The following RNF144B variants were observed in gnomAD, a reference collection of about 807,000 sequenced individuals.
RNF144B encodes ring finger protein 144B.
In RNF144B, 25 loss-of-function variants were observed where a neutral mutation model predicts 40.2. The ratio of observed to expected loss-of-function variants is 0.62; its 90% CI spans 0.45 to 0.87. RNF144B has a LOEUF of 0.87. Ranked by LOEUF, RNF144B falls within the 40% of genes least tolerant of loss-of-function variation. The pLI, the probability that RNF144B is intolerant of heterozygous loss-of-function variation, is 0.00. For synonymous variants in RNF144B, 145 were observed against 136.3 expected, an observed-to-expected ratio of 1.06 and a Z score of -0.44; for missense variants, 365 against 373.7, an observed-to-expected ratio of 0.98 and a Z score of 0.19.
chr6:18,451,345 T>C (rs1410828934), intron 4 of RNF144B, among the ~76,000 whole-genome samples: 1 of 152,200 alleles, frequency 6.6e-6, no homozygotes, highest in African/African-American at 2.4e-5. Flanking sequence ...TTCAGTCTTA[T>C]TGTCATAAGA....
rs1759140213 is a variant in RNF144B, at chr6:18,448,699, C to T, written c.332-8456C>T. 6.6e-6 allele frequency among the ~76,000 whole-genome samples: 1 copy of T among 150,738 alleles called. No individual in the cohort carries two copies. The highest frequency in any genetic ancestry group is 1.5e-5 in the Non-Finnish European group (1 of 67,456). Reference sequence around the variant, plus strand: ...TTGAAAGCCAGCATGCACACACACACACACACACACACACACACCCCACCC... The same window carrying T: ...TTGAAAGCCAGCATGCACACACACATACACACACACACACACACCCCACCC... On this transcript the variant is annotated intron_variant, in intron 4 of 7. Coordinates refer to ENST00000259939, the MANE Select transcript of RNF144B (RefSeq NM_182757.4). This position sits in a 1 kb window ranked among gnomAD's most constrained non-coding sequence, Gnocchi z 4.0.
Position 18,446,333 on chromosome 6 carries a change from G to A in RNF144B, c.331+6589G>A, listed in dbSNP as rs1242256176. On this transcript the variant is annotated intron_variant, in intron 4 of 7. Coordinates refer to ENST00000259939, the MANE Select transcript of RNF144B (RefSeq NM_182757.4). This position sits in a 1 kb window ranked among gnomAD's most constrained non-coding sequence, Gnocchi z 4.7. ...CTTTTCCTTGTATCTGCTCTTCTAG[G>A]AGCTGAGCTGAAGGGCATTGTGAAG... Among the ~76,000 whole-genome samples, 1 of 152,072 alleles carries A rather than the reference G, an allele frequency of 6.6e-6. No homozygotes were observed. Among genetic ancestry groups the A allele is most frequent in the African/African-American group, 2.4e-5 (1 of 41,412 alleles).
intron 4 of RNF144B, among the ~76,000 whole-genome samples, chr6:18,455,723 T>TA (rs1487424438): frequency 6.6e-6 from 1 of 152,086 alleles, no homozygotes; most frequent in African/African-American, 2.4e-5. Context: ...TGCTACTGAA[T>TA]AAAAAAGAGA....
In RNF144B at chr6:18,406,843, T is replaced by A. The variant is rs1794920928; in HGVS notation, c.165+7144T>A. Among the ~76,000 whole-genome samples, 1 of 152,000 alleles carries A rather than the reference T, an allele frequency of 6.6e-6. No homozygotes were observed. Among genetic ancestry groups the A allele is most frequent in the South Asian group, 2.1e-4 (1 of 4,820 alleles). ...ACACTGCTATAAAGAATACCTGAGATCTATAAAGGAAGGAGGTTTAATTGA... is the reference window on the plus strand; with the variant it reads ...ACACTGCTATAAAGAATACCTGAGAACTATAAAGGAAGGAGGTTTAATTGA... On this transcript the variant is annotated intron_variant, in intron 2 of 7. Coordinates refer to ENST00000259939, the MANE Select transcript of RNF144B (RefSeq NM_182757.4). The surrounding 1 kb of genome is among the most constrained non-coding windows in gnomAD (Gnocchi z 4.2).
chr6:18,445,428 TAGTC>T (rs1759060962), intron 4 of RNF144B, among the ~76,000 whole-genome samples: 1 of 152,202 alleles, frequency 6.6e-6, no homozygotes, highest in African/African-American at 2.4e-5. Context: ...TTCCCAGTAA[TAGTC>T]AGAATACAGA....
At chr6:18,428,560 C>T (rs142129905) in intron 3 of RNF144B, among the ~76,000 whole-genome samples, 245 of 152,064 alleles carry the variant, frequency 1.6e-3, no homozygotes, top group Non-Finnish European at 2.5e-3. Flanking sequence ...TCTTCAGACT[C>T]TGCTCACTTT....
chr6:18,413,534 C>T (rs569504593), intron 2 of RNF144B, among the ~76,000 whole-genome samples: 1 of 152,258 alleles, frequency 6.6e-6, no homozygotes, highest in East Asian at 1.9e-4. Context: ...AAACCAAGGC[C>T]GAGACATTCA....
intron 3 of RNF144B, among the ~76,000 whole-genome samples, chr6:18,431,534 TG>T (rs1758696810): frequency 6.6e-6 from 1 of 152,194 alleles, no homozygotes; most frequent in South Asian, 2.1e-4. Context: ...TATACCACAA[TG>T]GGGTTCATTC....
intron 1 of RNF144B, among the ~76,000 whole-genome samples, chr6:18,397,747 C>T (rs1434683007): frequency 1.3e-5 from 2 of 151,982 alleles, no homozygotes; most frequent in Non-Finnish European, 2.9e-5. Context: ...TCCTTCTTTT[C>T]TCTGCTTCGT....
intron 4 of RNF144B, 134 bp downstream of exon 4, chr6:18,439,878 G>A (rs754119249): frequency 3.9e-6 from 2 of 514,872 alleles, no homozygotes; most frequent in Middle Eastern, 5.1e-4. Context: ...GGAGAATACT[G>A]TAATTGCAAC....
chr6:18,427,505 C>A, intron 2 of RNF144B, 76 bp from the exon 3 acceptor site: 1 of 911,102 alleles, frequency 1.1e-6, no homozygotes, highest in Non-Finnish European at 1.7e-6. Context: ...GAAGAAGACA[C>A]AGTGGTGGTT....
At chr6:18,408,550 C>T (rs2113472822) in intron 2 of RNF144B, among the ~76,000 whole-genome samples, 1 of 152,304 alleles carries the variant, frequency 6.6e-6, no homozygotes, top group African/African-American at 2.4e-5. Flanking sequence ...ACTCGGATCC[C>T]TCTTCAGGGC....
rs777710253 is a variant in RNF144B, at chr6:18,457,142, C to T, written c.332-13C>T. On this transcript the variant is annotated splice_polypyrimidine_tract_variant and intron_variant, in intron 4 of 7. Coordinates refer to ENST00000259939, the MANE Select transcript of RNF144B (RefSeq NM_182757.4). This position sits in a 1 kb window ranked among gnomAD's most constrained non-coding sequence, Gnocchi z 5.1. ...TCGGGCAGACCATCACATTTTCTTT[C>T]TTTACACTTTAGAAGTTCATCTGGA... is the stretch of plus-strand genomic sequence containing the variant. 6.2e-7 allele frequency: 1 copy of T among 1,600,436 alleles called. No homozygotes were observed. The highest frequency in any genetic ancestry group is 1.1e-5 in the South Asian group (1 of 90,796).
In RNF144B at chr6:18,467,521, A is replaced by T. The variant is rs1759598652; in HGVS notation, c.*2454A>T. 1 of 149,786 alleles carries T rather than the reference A, an allele frequency of 6.7e-6. No individual in the cohort carries two copies. 9.3% of individuals were successfully genotyped at this position (149,786 alleles called of 1,614,324 possible). ...GTGCCTGAAAAATGGTAAATTCTTAAATGTGTGTGAGATTGTCAGAATCAA... is the reference window on the plus strand; with the variant it reads ...GTGCCTGAAAAATGGTAAATTCTTATATGTGTGTGAGATTGTCAGAATCAA... On this transcript the variant is annotated 3_prime_UTR_variant, in exon 8 of 8. Transcript: ENST00000259939.
intron 2 of RNF144B, among the ~76,000 whole-genome samples, chr6:18,411,316 A>G (rs1339401096): frequency 3.0e-5 from 1 of 33,572 alleles, no homozygotes; most frequent in Non-Finnish European, 5.8e-5. Flanking sequence ...GCTAGTACTC[A>G]TAGAAGAAAT....
intron 1 of RNF144B, among the ~76,000 whole-genome samples, 171 bp downstream of exon 1, chr6:18,387,801 G>C (rs1794491094): frequency 6.6e-6 from 1 of 152,150 alleles, no homozygotes; most frequent in Admixed American, 6.6e-5. Context: ...TTAAACACCT[G>C]TTAACTTAGA....
At position 18,448,696 on chromosome 6, in the gene RNF144B, A is replaced by G. The variant is rs918156783; in HGVS notation, c.332-8459A>G. Among the ~76,000 whole-genome samples the G allele has an allele frequency of 6.7e-6, 1 of 150,068 alleles. No individual in the cohort carries two copies. Among genetic ancestry groups the G allele is most frequent in the Non-Finnish European group, 1.5e-5 (1 of 67,176 alleles). Reference sequence around the variant, plus strand: ...ATTTTGAAAGCCAGCATGCACACACACACACACACACACACACACACCCCA... The same window carrying G: ...ATTTTGAAAGCCAGCATGCACACACGCACACACACACACACACACACCCCA... On this transcript the variant is annotated intron_variant, in intron 4 of 7. Transcript: ENST00000259939. This position sits in a 1 kb window ranked among gnomAD's most constrained non-coding sequence, Gnocchi z 4.0.
At chr6:18,430,306 C>G (rs1045081853) in intron 3 of RNF144B, among the ~76,000 whole-genome samples, 10 of 152,154 alleles carry the variant, frequency 6.6e-5, no homozygotes, top group African/African-American at 2.2e-4. Context: ...AGTTCAAATG[C>G]ATAGTGTTTT....
Position 18,444,457 on chromosome 6 carries a change from C to A in RNF144B, c.331+4713C>A, listed in dbSNP as rs2113520822. On this transcript the variant is annotated intron_variant, in intron 4 of 7. Coordinates refer to ENST00000259939, the MANE Select transcript of RNF144B (RefSeq NM_182757.4). The surrounding 1 kb of genome is among the most constrained non-coding windows in gnomAD (Gnocchi z 4.3). ...CTCTTGTTTCCAGAGTCTACTTTTTCAAAATAGTTTTTTTTTGAAAATTGG... is the reference window on the plus strand; with the variant it reads ...CTCTTGTTTCCAGAGTCTACTTTTTAAAAATAGTTTTTTTTTGAAAATTGG... Among the ~76,000 whole-genome samples the A allele has an allele frequency of 6.7e-6, 1 of 149,904 alleles. No individual in the cohort carries two copies. The highest frequency in any genetic ancestry group is 1.5e-5 in the Non-Finnish European group (1 of 66,798).
Sources: gnomAD v4.1 joint callset for allele counts (sites outside exome capture counted in the v4.1 genomes callset) on GRCh38, gnomAD v4.1.1 for gene constraint, Gnocchi (gnomAD v3.1) non-coding constraint, MANE v1.5 for transcripts, NCBI Gene and HGNC (gene_info 2026-07-23, HGNC 2026-07-21) for gene names.